The following KIAA1217 variants were observed in gnomAD, a reference collection of about 807,000 sequenced individuals.
KIAA1217 encodes KIAA1217, also known as sickle tail protein homolog.
KIAA1217 carries 88 observed loss-of-function variants against 163.9 expected under a neutral mutation model. The ratio of observed to expected loss-of-function variants is 0.54; its 90% CI spans 0.45 to 0.64. The LOEUF (loss-of-function observed/expected upper bound fraction) is 0.64, where lower values mean the gene tolerates loss of function less well. Among genes scored for constraint, KIAA1217 ranks in the 30% least tolerant of loss-of-function variants. The pLI is 0.00. For synonymous variants in KIAA1217, 903 were observed against 923.1 expected (o/e 0.98, Z 0.39); for missense variants, 2,372 against 2,475.0 (o/e 0.96, Z 0.88).
intron 1 of KIAA1217, among the ~76,000 whole-genome samples, chr10:23,857,833 G>A (rs1345237933): frequency 1.3e-5 from 2 of 151,944 alleles, no homozygotes; most frequent in African/African-American, 2.4e-5. Context: ...TCATATATAT[G>A]TATGTATTTA....
At position 24,087,956 on chromosome 10, in the gene KIAA1217, G is replaced by A. The variant is rs1250020129; in HGVS notation, c.-171+80582G>A. Among the ~76,000 whole-genome samples the A allele has an allele frequency of 1.6e-4, 12 of 73,236 alleles. 3 individuals are homozygous for A. The highest frequency in any genetic ancestry group is 4.0e-4 in the Admixed American group (3 of 7,462). The allele number at this position is 73,236 out of a possible 152,430, so 48.0% of individuals were successfully genotyped here. A position where few individuals can be genotyped will look rare whatever the true frequency, so the allele number is the denominator to read the frequency against. ...CCATGATGAAAAGTAAATAGAGCAG[G>A]GCATCTACCAGATTCCCAAACCAAG... On this transcript the variant is annotated intron_variant, in intron 2 of 18. Transcript: ENST00000376462.
At chr10:24,520,627 CAAAAAAAAAAAAAAA>C (rs71472812) in intron 11 of KIAA1217, among the ~76,000 whole-genome samples, 99 of 44,940 alleles carry the variant, frequency 2.2e-3, no homozygotes, top group Admixed American at 4.5e-3. Context: ...ACATCTCTAC[CAAAAAAAAAAAAAAA>C]AAAAAAAAAA....
At chr10:24,058,303 A>G (rs2060600080) in intron 2 of KIAA1217, among the ~76,000 whole-genome samples, 1 of 152,100 alleles carries the variant, frequency 6.6e-6, no homozygotes, top group Non-Finnish European at 1.5e-5. Flanking sequence ...GTAGATTTTT[A>G]ATATATTTTG....
chr10:24,073,537 G>GA (rs1287582879), intron 2 of KIAA1217, among the ~76,000 whole-genome samples: 1 of 152,212 alleles, frequency 6.6e-6, no homozygotes, highest in Non-Finnish European at 1.5e-5. Context: ...AAATCATCCA[G>GA]AAAACATGTC....
In KIAA1217 at chr10:23,790,256, C is replaced by CACATATGCATATAT. The variant is rs1564422326; in HGVS notation, c.-321+95034_-321+95035insATACATATGCATAT. 9.2e-4 allele frequency among the ~76,000 whole-genome samples: 27 copies of CACATATGCATATAT among 29,492 alleles called. 13 individuals carry two copies. The highest frequency in any genetic ancestry group is 4.1e-3 in the South Asian group (2 of 492). The allele number at this position is 29,492 out of a possible 152,430, so 19.3% of individuals were successfully genotyped here. ...ATATGCATATGCACATATGCATATG[C>CACATATGCATATAT]ACATATGCATATGCACATATGCATA... On this transcript the variant is annotated intron_variant, in intron 1 of 18. Transcript: ENST00000376462.
intron 1 of KIAA1217, among the ~76,000 whole-genome samples, chr10:23,780,951 G>T (rs1835231044): frequency 1.3e-5 from 2 of 152,172 alleles, no homozygotes; most frequent in Admixed American, 1.3e-4. Context: ...AAAGGGCTGG[G>T]ATTACAGGCG....
intron 1 of KIAA1217, among the ~76,000 whole-genome samples, chr10:23,704,193 TA>T (rs1836721660): frequency 8.0e-6 from 1 of 124,834 alleles, no homozygotes; most frequent in Non-Finnish European, 1.7e-5. Context: ...TATATATATA[TA>T]TATATATATA....
At chr10:23,848,704 C>A (rs1490900744) in intron 1 of KIAA1217, among the ~76,000 whole-genome samples, 1 of 152,068 alleles carries the variant, frequency 6.6e-6, no homozygotes, top group East Asian at 1.9e-4. Flanking sequence ...ATCCAAGCAT[C>A]TCCAACTTTT....
intron 1 of KIAA1217, among the ~76,000 whole-genome samples, chr10:23,919,606 TA>T (rs66850484): frequency 0.29 from 22,362 of 76,630 alleles, 2,293 homozygotes; most frequent in African/African-American, 0.36. Flanking sequence ...ACTCCTTCTC[TA>T]AAAAAAAAAA....
rs143568978 is a variant in KIAA1217, at chr10:23,796,165, A to G, written c.-321+100931A>G. The stretch of plus-strand genomic sequence containing the variant: ...CAAAGATTTTAGCTTTGGTTCCCAA[A>G]GGACATAGGGGTGTGTTAGGAAAGA... On this transcript the variant is annotated intron_variant, in intron 1 of 18. Transcript: ENST00000376462. Among the ~76,000 whole-genome samples the G allele has an allele frequency of 1.2e-3, 177 of 152,222 alleles. 12 individuals are homozygous for G. The East Asian group carries it at 0.027, about 23-fold the overall frequency.
intron 1 of KIAA1217, among the ~76,000 whole-genome samples, chr10:23,801,847 A>G (rs772091212): frequency 6.6e-6 from 1 of 152,238 alleles, no homozygotes; most frequent in Admixed American, 6.5e-5. Context: ...CACACAGAAC[A>G]GGTCAGGACA....
At chr10:24,452,700 T>C in intron 5 of KIAA1217, among the ~76,000 whole-genome samples, 1 of 123,266 alleles carries the variant, frequency 8.1e-6, no homozygotes, top group Non-Finnish European at 1.7e-5. Flanking sequence ...AAAAAAAAAA[T>C]AGAATGAATG....
intron 1 of KIAA1217, among the ~76,000 whole-genome samples, chr10:23,867,371 T>A (rs1236171250): frequency 6.6e-6 from 1 of 152,002 alleles, no homozygotes; most frequent in African/African-American, 2.4e-5. Flanking sequence ...TACCCAGTAA[T>A]GGGATGGCTG....
intron 1 of KIAA1217, among the ~76,000 whole-genome samples, chr10:23,718,023 T>C (rs1241115140): frequency 6.6e-6 from 1 of 152,226 alleles, no homozygotes; most frequent in Non-Finnish European, 1.5e-5. Flanking sequence ...AGCAGCCTTT[T>C]CTATTGGTTC....
intron 1 of KIAA1217, among the ~76,000 whole-genome samples, chr10:23,842,761 A>G (rs1299760538): frequency 6.6e-6 from 1 of 151,998 alleles, no homozygotes; most frequent in African/African-American, 2.4e-5. Flanking sequence ...CTATTTTAGG[A>G]TAAAATCATC....
chr10:24,209,120 C>T, upstream of KIAA1217: 2 of 1,378,308 alleles, frequency 1.5e-6, no homozygotes, highest in Non-Finnish European at 2.1e-6. Context: ...CCCTCCCAGG[C>T]GCTTTCTGGG....
At chr10:24,279,387 A>T (rs2077664176) in intron 2 of KIAA1217, among the ~76,000 whole-genome samples, 3 of 152,178 alleles carry the variant, frequency 2.0e-5, no homozygotes, top group Middle Eastern at 3.4e-3. Flanking sequence ...CATCTGACTC[A>T]GTCATAACTA....
At chr10:24,528,179 GC>G in intron 14 of KIAA1217, 60 bp downstream of exon 14, 1 of 1,429,510 alleles carries the variant, frequency 7.0e-7, no homozygotes, top group Non-Finnish European at 9.7e-7. Flanking sequence ...CAAATACAGT[GC>G]CATCCACGAC....
chr10:24,081,010 G>T (rs1037365037), intron 2 of KIAA1217, among the ~76,000 whole-genome samples: 1 of 152,114 alleles, frequency 6.6e-6, no homozygotes, highest in Non-Finnish European at 1.5e-5. Context: ...CTTACTGAGG[G>T]TTTTACATTG....
Sources: allele counts gnomAD v4.1 joint callset (sites outside exome capture counted in the v4.1 genomes callset), GRCh38; gene constraint gnomAD v4.1.1; transcripts MANE v1.5; gene names NCBI Gene and HGNC (gene_info 2026-07-23, HGNC 2026-07-21).